The following ANKRD36C variants were observed in gnomAD, a reference collection of about 807,000 sequenced individuals.
ANKRD36C encodes the protein ankyrin repeat domain-containing protein 36C.
In ANKRD36C, 61 loss-of-function variants were observed where a neutral mutation model predicts 276.4. The observed-to-expected ratio is 0.22, with a 90% CI of 0.18 to 0.27. The LOEUF (loss-of-function observed/expected upper bound fraction) is 0.27. Ranked by LOEUF, ANKRD36C falls within the 10% of genes least tolerant of loss-of-function variation. The pLI, the probability that ANKRD36C is intolerant of heterozygous loss-of-function variation, is 1.00. For missense variants in ANKRD36C, 1,447 were observed against 2,032.3 expected, an observed-to-expected ratio of 0.71 and a Z score of 5.54; for synonymous variants, 483 against 680.1, an observed-to-expected ratio of 0.71 and a Z score of 4.51.
intron 59 of ANKRD36C, among the ~76,000 whole-genome samples, chr2:95,869,246 T>C (rs1675748234): frequency 6.6e-6 from 1 of 152,128 alleles, no homozygotes; most frequent in Non-Finnish European, 1.5e-5. Flanking sequence ...TAATTTGCAT[T>C]AGCCTAAAAT....
At chr2:95,966,649 C>CT (rs1426544107) in intron 6 of ANKRD36C, among the ~76,000 whole-genome samples, 1 of 151,916 alleles carries the variant, frequency 6.6e-6, no homozygotes, top group Admixed American at 6.6e-5. Flanking sequence ...TATATGGGCT[C>CT]TTTTTTTGGT....
chr2:95,867,616 C>G, intron 59 of ANKRD36C, 35 bp from the exon 80 acceptor site: 1 of 1,370,480 alleles, frequency 7.3e-7, no homozygotes, highest in Non-Finnish European at 1.0e-6. Context: ...AAAATGTCCC[C>G]AAAATATTTA....
At chr2:95,977,030 T>C (rs1678825861) in intron 6 of ANKRD36C, among the ~76,000 whole-genome samples, 1 of 151,820 alleles carries the variant, frequency 6.6e-6, no homozygotes, top group Admixed American at 6.6e-5. Context: ...GGACAGCTCA[T>C]TGAGATCGAT....
At chr2:95,984,796 A>AT (rs1218528987) in intron 3 of ANKRD36C, among the ~76,000 whole-genome samples, 4 of 151,882 alleles carry the variant, frequency 2.6e-5, no homozygotes, top group Non-Finnish European at 5.9e-5. Context: ...TTGTAACCTC[A>AT]TTTTTTTTAT....
intron 30 of ANKRD36C, among the ~76,000 whole-genome samples, chr2:95,925,151 G>A (rs1025203482): frequency 6.7e-6 from 1 of 149,384 alleles, no homozygotes; most frequent in African/African-American, 2.4e-5. Flanking sequence ...TCAATGTAGG[G>A]AACTCTACAA....
At chr2:95,882,946 T>C (rs1351772397) in intron 54 of ANKRD36C, among the ~76,000 whole-genome samples, 2 of 152,128 alleles carry the variant, frequency 1.3e-5, no homozygotes, top group Non-Finnish European at 2.9e-5. Context: ...TGCCTGGTAA[T>C]TGAGGAGGTA....
At chr2:95,878,426 T>TA (rs1390872751) in intron 58 of ANKRD36C, among the ~76,000 whole-genome samples, 1 of 152,074 alleles carries the variant, frequency 6.6e-6, no homozygotes, top group African/African-American at 2.4e-5. Flanking sequence ...TGATCTTATT[T>TA]AAAAAAATAG....
chr2:95,902,955 T>C, intron 42 of ANKRD36C: 3 of 1,589,744 alleles, frequency 1.9e-6, no homozygotes, highest in Non-Finnish European at 2.6e-6. Context: ...TCGTCTCTTG[T>C]AGCCTGAATG....
At chr2:95,876,273 A>T (rs1245559529) in intron 59 of ANKRD36C, among the ~76,000 whole-genome samples, 166 bp downstream of exon 79, 3 of 152,184 alleles carry the variant, frequency 2.0e-5, no homozygotes, top group African/African-American at 7.2e-5. Flanking sequence ...TTCCAACACT[A>T]TTTTAAGTTT....
chr2:95,966,199 T>C (rs2104514235), intron 6 of ANKRD36C, among the ~76,000 whole-genome samples: 1 of 152,356 alleles, frequency 6.6e-6, no homozygotes, highest in African/African-American at 2.4e-5. Context: ...ATTTTGGCTT[T>C]TGTTGCCATT....
rs372277988 is a variant in ANKRD36C at position 95,927,292 on chromosome 2, T to A, written c.1867-6A>T. Reference sequence around the variant, plus strand: ...TCTTTCTCATCACTTGTAGCCTGAATGGGATTTGAAACAAAATAATCAATA... The same window carrying A: ...TCTTTCTCATCACTTGTAGCCTGAAAGGGATTTGAAACAAAATAATCAATA... On this transcript the variant is annotated splice_polypyrimidine_tract_variant and splice_region_variant and intron_variant, in intron 27 of 66. Transcript: ENST00000456556. The A allele has an allele frequency of 6.2e-7, 1 of 1,609,688 alleles. No homozygotes were observed. Among genetic ancestry groups the A allele is most frequent in the Non-Finnish European group, 8.5e-7 (1 of 1,178,062 alleles).
chr2:95,931,506 C>A (rs1182084551), intron 24 of ANKRD36C, among the ~76,000 whole-genome samples: 4 of 150,330 alleles, frequency 2.7e-5, no homozygotes, highest in Non-Finnish European at 4.4e-5. Context: ...TTTAACTACC[C>A]ATAACACCAC....
chr2:95,966,162 T>C (rs1295457067), intron 6 of ANKRD36C, among the ~76,000 whole-genome samples: 3 of 152,190 alleles, frequency 2.0e-5, no homozygotes, highest in Non-Finnish European at 2.9e-5. Flanking sequence ...ACACAAGTTC[T>C]TTAGTTTAAT....
intron 44 of ANKRD36C, 24 bp from the exon 64 acceptor site, chr2:95,893,629 A>G (rs1459354120): frequency 6.9e-6 from 11 of 1,588,966 alleles, no homozygotes; most frequent in African/African-American, 2.7e-5. Context: ...GAAATGAAAT[A>G]ATAAATAAAA....
rs202231795 is a variant in ANKRD36C, at chr2:95,968,356, T to C, written c.800-5809A>G. 5.4e-3 allele frequency among the ~76,000 whole-genome samples: 818 copies of C among 152,296 alleles called. 4 individuals are homozygous for C. The highest frequency in any genetic ancestry group is 0.018 in the African/African-American group (737 of 41,562). ...TATATTATCAAAATTTGTTACCTTA[T>C]ATGTGAATTGCAGTATAAAATAGTC... is the stretch of plus-strand genomic sequence containing the variant. On this transcript the variant is annotated intron_variant, in intron 6 of 66. Coordinates refer to ENST00000456556, the Ensembl canonical transcript of ANKRD36C.
At chr2:95,884,408 T>A in intron 52 of ANKRD36C, 40 bp from the exon 73 acceptor site, 1 of 1,610,196 alleles carries the variant, frequency 6.2e-7, no homozygotes, top group Non-Finnish European at 8.5e-7. Context: ...CACATGCACG[T>A]ATGATAAAGT....
chr2:95,988,369 CT>C lies in ANKRD36C; in HGVS notation c.198-1164del, dbSNP rs1448146746. Reference sequence around the variant, plus strand: ...AATGGCAGTTAAAGGTTATCTTTCACTATTTTCTAACTTCAGAATTGCTTTT... The same window carrying C: ...AATGGCAGTTAAAGGTTATCTTTCACATTTTCTAACTTCAGAATTGCTTTT... On this transcript the variant is annotated intron_variant, in intron 1 of 66. Coordinates refer to ENST00000456556, the Ensembl canonical transcript of ANKRD36C. Among the ~76,000 whole-genome samples the C allele has an allele frequency of 2.0e-5, 3 of 150,390 alleles. No homozygotes were observed. In the East Asian group the frequency reaches 5.8e-4, roughly 29 times the overall value.
chr2:95,908,648 CATAA>C lies in ANKRD36C; in HGVS notation c.2653+3592_2653+3595del, dbSNP rs1230989933. On this transcript the variant is annotated intron_variant, in intron 42 of 66. Coordinates refer to ENST00000456556, the Ensembl canonical transcript of ANKRD36C. The stretch of plus-strand genomic sequence containing the variant: ...AGACTATACATTTACTAGTTCACAA[CATAA>C]ATGACAGTTTCATTACCTTCAAGCC... 1 of 1,563,912 alleles carries C rather than the reference CATAA, an allele frequency of 6.4e-7. No homozygotes were observed. The highest frequency in any genetic ancestry group is 8.7e-7 in the Non-Finnish European group (1 of 1,153,138).
At chr2:95,949,451 G>T (rs1678139453) in intron 16 of ANKRD36C, among the ~76,000 whole-genome samples, 1 of 151,854 alleles carries the variant, frequency 6.6e-6, no homozygotes, top group African/African-American at 2.4e-5. Context: ...TCCCCCTTCT[G>T]GATCCCTCTT....
Sources: gnomAD v4.1 joint callset for allele counts (sites outside exome capture counted in the v4.1 genomes callset) on GRCh38, gnomAD v4.1.1 for gene constraint, MANE v1.5 for transcripts, NCBI Gene and HGNC (gene_info 2026-07-23, HGNC 2026-07-21) for gene names.